Variants in BAIAP2 observed in about 807,000 individuals in gnomAD.
BAIAP2 encodes the protein BAR/IMD domain-containing adapter protein 2.
Under a neutral mutation model 63.0 loss-of-function variants are expected in BAIAP2, and 18 were observed. That is an observed-to-expected ratio of 0.29 (90% CI 0.20 to 0.42). The LOEUF is 0.42. Among genes scored for constraint, BAIAP2 ranks in the 10% least tolerant of loss-of-function variants. The pLI, the probability that BAIAP2 is intolerant of heterozygous loss-of-function variation, is 1.00. For missense variants in BAIAP2, 610 were observed against 734.3 expected, an observed-to-expected ratio of 0.83 and a Z score of 1.96; for synonymous variants, 386 against 307.6, an observed-to-expected ratio of 1.25 and a Z score of -2.67.
chr17:81,108,380 G>A (rs1029259789), intron 12 of BAIAP2, 95 bp from the exon 13 acceptor site: 18 of 1,404,970 alleles, frequency 1.3e-5, no homozygotes, highest in Non-Finnish European at 1.7e-5. Context: ...ACCTTGTCCA[G>A]GCAGGATCAC....
chr17:81,047,875 G>A (rs981562743), intron 1 of BAIAP2, among the ~76,000 whole-genome samples: 3 of 152,210 alleles, frequency 2.0e-5, no homozygotes, highest in East Asian at 1.9e-4. Context: ...GCACATGGCC[G>A]CAGCACACAC....
intron 3 of BAIAP2, among the ~76,000 whole-genome samples, chr17:81,081,391 C>T (rs902204333): frequency 3.3e-5 from 5 of 152,192 alleles, no homozygotes; most frequent in African/African-American, 4.8e-5. Flanking sequence ...GTCCTTGGCT[C>T]GTAGGATGGT....
intron 13 of BAIAP2, chr17:81,109,051 T>C: frequency 3.9e-6 from 6 of 1,519,374 alleles, no homozygotes; most frequent in Non-Finnish European, 5.3e-6. Flanking sequence ...GCCTTCCCCC[T>C]GGTCTCGTCC....
At chr17:81,071,524 C>T (rs1203645412) in intron 3 of BAIAP2, among the ~76,000 whole-genome samples, 1 of 152,238 alleles carries the variant, frequency 6.6e-6, no homozygotes, top group Non-Finnish European at 1.5e-5. Context: ...TGACCTCTCG[C>T]ACAGAGCCCC....
chr17:81,091,324 C>T (rs1245478652), intron 6 of BAIAP2, among the ~76,000 whole-genome samples: 1 of 151,950 alleles, frequency 6.6e-6, no homozygotes, highest in African/African-American at 2.4e-5. Context: ...GCTGGAAGTA[C>T]TCTTGGGGGA....
intron 6 of BAIAP2, among the ~76,000 whole-genome samples, chr17:81,088,666 G>A (rs572389919): frequency 2.8e-4 from 42 of 152,300 alleles, no homozygotes; most frequent in African/African-American, 9.1e-4. Flanking sequence ...TCATCGTGCC[G>A]TAGCCTGCGC....
intron 1 of BAIAP2, among the ~76,000 whole-genome samples, chr17:81,047,920 G>C (rs901705961): frequency 2.0e-5 from 3 of 152,260 alleles, no homozygotes; most frequent in Non-Finnish European, 4.4e-5. Flanking sequence ...CCATATGCAC[G>C]CAGGCCCTAG....
At chr17:81,081,899 A>G (rs1427708000) in intron 3 of BAIAP2, among the ~76,000 whole-genome samples, 1 of 152,012 alleles carries the variant, frequency 6.6e-6, no homozygotes, top group Non-Finnish European at 1.5e-5. Flanking sequence ...AGTCACACCC[A>G]TGGTTGGAGC....
In BAIAP2 at chr17:81,115,807, A is replaced by G. The variant is rs2060492742; in HGVS notation, c.1573A>G (p.Thr525Ala). 6.2e-7 allele frequency: 1 copy of G among 1,613,424 alleles called. No individual in the cohort carries two copies. Among genetic ancestry groups the G allele is most frequent in the African/African-American group, 1.3e-5 (1 of 74,944 alleles). Reference protein sequence around the residue: ...FAHVQLKPTVTNDRSAPLLS With the variant: ...FAHVQLKPTVANDRSAPLLS ...CCACGTCCAGCTGAAGCCGACAGTG[A>G]CCAACGACAGGTCTGCCCCCCTCCT... The change falls in exon 14 of 14, where the codon ACC (threonine) becomes GCC (alanine). Residue 525 changes from threonine to alanine, a missense_variant. Physicochemically the swap from Thr to Ala is moderately conservative, Grantham distance 58 (BLOSUM62 0). This residue lies in a region of BAIAP2 where 114 missense variants were observed against 98.2 expected (regional missense o/e 1.16). Transcript: ENST00000428708.
chr17:81,116,462 G>GGCCCCAGCCCCA lies in BAIAP2; in HGVS notation c.*633_*634insCAGCCCCAGCCC, dbSNP rs10652019. On this transcript the variant is annotated 3_prime_UTR_variant, in exon 14 of 14. Transcript: ENST00000428708. ...CCCCAGGCCCCTCCTGCCTCGGGCA[G>GGCCCCAGCCCCA]GCCCCAGCCCTCCTCCTTACCCAAC... 124 of 929,608 alleles carry GGCCCCAGCCCCA rather than the reference G, an allele frequency of 1.3e-4. 1 individual carries two copies. Among genetic ancestry groups the GGCCCCAGCCCCA allele is most frequent in the African/African-American group, 4.8e-4 (29 of 60,100 alleles). The allele number at this position is 929,608 out of a possible 1,614,324, so 57.6% of individuals were successfully genotyped here.
At chr17:81,071,944 T>C (rs1174126350) in intron 3 of BAIAP2, among the ~76,000 whole-genome samples, 4 of 152,244 alleles carry the variant, frequency 2.6e-5, no homozygotes, top group Non-Finnish European at 5.9e-5. Context: ...TCTTGTTCCA[T>C]TTCCTTGCTG....
chr17:81,109,228 AGCCTTTTGAGCAGAAACT>A, intron 13 of BAIAP2: 1 of 1,370,382 alleles, frequency 7.3e-7, no homozygotes, highest in Admixed American at 3.5e-5. Flanking sequence ...TGTGTGTCCC[AGCCTTTTGAGCAGAAACT>A]GCCAGGCAGG....
At chr17:81,064,030 C>G (rs2051041984) in intron 3 of BAIAP2, among the ~76,000 whole-genome samples, 1 of 152,240 alleles carries the variant, frequency 6.6e-6, no homozygotes, top group Non-Finnish European at 1.5e-5. Flanking sequence ...AGCAGGGCCC[C>G]AGCCTGTCCT....
At chr17:81,043,856 T>C (rs1469505007) in intron 1 of BAIAP2, among the ~76,000 whole-genome samples, 1 of 152,148 alleles carries the variant, frequency 6.6e-6, no homozygotes, top group Non-Finnish European at 1.5e-5. Flanking sequence ...CGTTCGGGAG[T>C]TCGAGGAGTT....
At position 81,116,541 on chromosome 17, in the gene BAIAP2, G is replaced by C. The variant is rs2060547393; in HGVS notation, c.*702G>C. On this transcript the variant is annotated 3_prime_UTR_variant, in exon 14 of 14. Coordinates refer to ENST00000428708, the MANE Select transcript of BAIAP2 (RefSeq NM_001144888.2). ...CTCCCAGCTCGCTCCTGCGGCCAAAGGCCAGCTGTCAGGTGCTATGCGGGG... is the reference window on the plus strand; with the variant it reads ...CTCCCAGCTCGCTCCTGCGGCCAAACGCCAGCTGTCAGGTGCTATGCGGGG... 1 of 584,180 alleles carries C rather than the reference G, an allele frequency of 1.7e-6. No homozygotes were observed. The highest frequency in any genetic ancestry group is 1.9e-5 in the African/African-American group (1 of 53,440). 36.2% of individuals were successfully genotyped at this position (584,180 alleles called of 1,614,324 possible).
At chr17:81,066,570 T>C (rs2094876982) in intron 3 of BAIAP2, among the ~76,000 whole-genome samples, 1 of 152,220 alleles carries the variant, frequency 6.6e-6, no homozygotes. Flanking sequence ...TTAGAGGCAC[T>C]GAGTGGCTCC....
intron 1 of BAIAP2, chr17:81,036,918 T>C: frequency 6.5e-7 from 1 of 1,535,960 alleles, no homozygotes; most frequent in South Asian, 1.2e-5. Flanking sequence ...CCTTCTGCGC[T>C]GAAACCAGAA....
chr17:81,049,359 G>C (rs924364868), intron 1 of BAIAP2, among the ~76,000 whole-genome samples: 3 of 152,224 alleles, frequency 2.0e-5, no homozygotes, highest in African/African-American at 7.2e-5. Context: ...AGTGTGGACA[G>C]CTGGGCTTCA....
chr17:81,115,953 G>C lies in BAIAP2; in HGVS notation c.*114G>C, dbSNP rs936763004. 1.3e-6 allele frequency: 2 copies of C among 1,529,564 alleles called. No homozygotes were observed. The highest frequency in any genetic ancestry group is 1.4e-5 in the African/African-American group (1 of 73,218). 94.7% of individuals were successfully genotyped at this position (1,529,564 alleles called of 1,614,324 possible). On this transcript the variant is annotated 3_prime_UTR_variant, in exon 14 of 14. Coordinates refer to ENST00000428708, the MANE Select transcript of BAIAP2 (RefSeq NM_001144888.2). ...GAGAACATCCAGGCCCCGGCTGCCT[G>C]GTCTTGCCCCACTTGAGTCTGGCCT...
Sources: gnomAD v4.1 joint callset for allele counts (sites outside exome capture counted in the v4.1 genomes callset) on GRCh38, gnomAD v4.1.1 for gene constraint, gnomAD v4.1.1 regional missense constraint, MANE v1.5 for transcripts, NCBI Gene and HGNC (gene_info 2026-07-23, HGNC 2026-07-21) for gene names.